Variants in MOB3B observed in about 807,000 individuals in gnomAD.
MOB3B encodes the protein MOB kinase activator-like 2B.
A neutral mutation model predicts 18.7 loss-of-function variants in MOB3B; 7 were observed. The ratio of observed to expected loss-of-function variants is 0.37; its 90% CI spans 0.21 to 0.70. The LOEUF (loss-of-function observed/expected upper bound fraction) is 0.70, where lower values mean the gene tolerates loss of function less well. Ranked by LOEUF, MOB3B falls within the 30% of genes least tolerant of loss-of-function variation. MOB3B has a pLI of 0.52. For synonymous variants in MOB3B, 111 were observed against 99.9 expected (o/e 1.11, Z -0.66); for missense variants, 253 against 281.3 (o/e 0.90, Z 0.72).
chr9:27,446,391 G>C (rs1324869935), intron 2 of MOB3B, among the ~76,000 whole-genome samples: 2 of 152,180 alleles, frequency 1.3e-5, no homozygotes, highest in Admixed American at 6.5e-5. Flanking sequence ...CAGGCCACTT[G>C]TGCTATGCCT....
At chr9:27,333,297 G>A (rs962013520) in intron 3 of MOB3B, among the ~76,000 whole-genome samples, 19 of 152,038 alleles carry the variant, frequency 1.2e-4, no homozygotes, top group African/African-American at 4.6e-4. Flanking sequence ...TCAAAGCTCT[G>A]CAAGACTCTG....
intron 1 of MOB3B, among the ~76,000 whole-genome samples, chr9:27,456,946 C>T (rs1441391533): frequency 6.6e-6 from 1 of 152,214 alleles, no homozygotes; most frequent in East Asian, 1.9e-4. Flanking sequence ...CTCTTCTCCA[C>T]TAACTTGTTG....
At chr9:27,388,144 A>G (rs1015455028) in intron 2 of MOB3B, among the ~76,000 whole-genome samples, 3 of 152,206 alleles carry the variant, frequency 2.0e-5, no homozygotes, top group African/African-American at 7.2e-5. Flanking sequence ...GTTAGGATAA[A>G]CCTTGGAAAA....
intron 2 of MOB3B, among the ~76,000 whole-genome samples, chr9:27,361,901 T>A (rs1821279889): frequency 6.6e-6 from 1 of 152,222 alleles, no homozygotes; most frequent in Non-Finnish European, 1.5e-5. Context: ...TCCAGTCTCA[T>A]GGAAGCTCAC....
chr9:27,409,521 G>A (rs561789499), intron 2 of MOB3B, among the ~76,000 whole-genome samples: 3 of 152,188 alleles, frequency 2.0e-5, no homozygotes, highest in African/African-American at 4.8e-5. Context: ...AAAACAGTAT[G>A]GCAGTTCCTC....
intron 2 of MOB3B, among the ~76,000 whole-genome samples, chr9:27,408,813 C>T (rs1822023833): frequency 6.6e-6 from 1 of 152,188 alleles, no homozygotes; most frequent in Non-Finnish European, 1.5e-5. Context: ...TTTCCCCTTC[C>T]TTCCTGCTAC....
chr9:27,418,184 T>C (rs1228767889), intron 2 of MOB3B, among the ~76,000 whole-genome samples: 2 of 149,852 alleles, frequency 1.3e-5, no homozygotes, highest in African/African-American at 2.5e-5. Context: ...AGCAGCGAGA[T>C]TGAAATGGTA....
intron 2 of MOB3B, among the ~76,000 whole-genome samples, chr9:27,434,512 C>T (rs1023855852): frequency 3.3e-5 from 5 of 152,112 alleles, no homozygotes. Context: ...TTTATACGGC[C>T]CAGCCAAGAC....
intron 2 of MOB3B, 47 bp from the exon 3 acceptor site, chr9:27,359,283 T>A: frequency 6.6e-7 from 1 of 1,515,778 alleles, no homozygotes; most frequent in South Asian, 1.1e-5. Flanking sequence ...ATGGGATAGA[T>A]CCTTTTCCTC....
At chr9:27,381,743 C>T (rs1821580488) in intron 2 of MOB3B, among the ~76,000 whole-genome samples, 1 of 152,146 alleles carries the variant, frequency 6.6e-6, no homozygotes, top group Non-Finnish European at 1.5e-5. Flanking sequence ...ACCTCCTGGG[C>T]TTAAGCAATC....
intron 2 of MOB3B, among the ~76,000 whole-genome samples, chr9:27,432,639 T>C (rs532014588): frequency 6.6e-6 from 1 of 152,240 alleles, no homozygotes; most frequent in South Asian, 2.1e-4. Context: ...AGAACGTTAG[T>C]ATTTGAGAGG....
intron 1 of MOB3B, among the ~76,000 whole-genome samples, chr9:27,507,717 C>G (rs928480602): frequency 6.6e-6 from 1 of 152,178 alleles, no homozygotes; most frequent in Non-Finnish European, 1.5e-5. Flanking sequence ...GAAAGAATCT[C>G]TAGGAGTCAG....
At chr9:27,430,180 T>A (rs150208779) in intron 2 of MOB3B, among the ~76,000 whole-genome samples, 1 of 152,180 alleles carries the variant, frequency 6.6e-6, no homozygotes, top group South Asian at 2.1e-4. Flanking sequence ...CACACCTTTT[T>A]AGTACAATTA....
At chr9:27,371,313 C>T (rs193091622) in intron 2 of MOB3B, among the ~76,000 whole-genome samples, 2 of 152,230 alleles carry the variant, frequency 1.3e-5, no homozygotes, top group African/African-American at 2.4e-5. Flanking sequence ...GGAACAGTGA[C>T]CCTTCTGAAA....
At chr9:27,412,437 T>G (rs972936114) in intron 2 of MOB3B, among the ~76,000 whole-genome samples, 3 of 152,226 alleles carry the variant, frequency 2.0e-5, no homozygotes, top group Non-Finnish European at 4.4e-5. Flanking sequence ...AACCCATTCA[T>G]GCAATATACT....
At chr9:27,335,693 C>A (rs995494158) in intron 3 of MOB3B, among the ~76,000 whole-genome samples, 2 of 152,196 alleles carry the variant, frequency 1.3e-5, no homozygotes, top group Non-Finnish European at 2.9e-5. Flanking sequence ...TCCCAGAACA[C>A]CCTTCTCCCA....
Position 27,363,933 on chromosome 9 carries a change from C to T in MOB3B, c.419-4697G>A, listed in dbSNP as rs75480280. Among the ~76,000 whole-genome samples, 553 of 152,118 alleles carry T rather than the reference C, an allele frequency of 3.6e-3. 3 individuals carry two copies. The highest frequency in any genetic ancestry group is 0.012 in the African/African-American group (500 of 41,500). On this transcript the variant is annotated intron_variant, in intron 2 of 3. Transcript: ENST00000262244. ...ACTTTTGTAAATGTTTTTGTGGAGA[C>T]AAGGTCCCACTATGTTGCCCAGCCT...
Position 27,330,249 on chromosome 9 carries a change from A to G in MOB3B, c.*338T>C, listed in dbSNP as rs1820767413. The G allele has an allele frequency of 4.5e-6, 1 of 221,542 alleles. No individual in the cohort carries two copies. Among genetic ancestry groups the G allele is most frequent in the Admixed American group, 5.8e-5 (1 of 17,282 alleles). 13.7% of individuals were successfully genotyped at this position (221,542 alleles called of 1,614,324 possible). On this transcript the variant is annotated 3_prime_UTR_variant, in exon 4 of 4. Transcript: ENST00000262244. ...CACGCATCTCAGTCTCAAAACCTGA[A>G]TTCCAGTAAAGCTTAGGCGGCAGGT... is the stretch of plus-strand genomic sequence containing the variant.
intron 3 of MOB3B, among the ~76,000 whole-genome samples, chr9:27,345,204 G>A (rs1821014787): frequency 6.6e-6 from 1 of 152,080 alleles, no homozygotes; most frequent in African/African-American, 2.4e-5. Context: ...AAAGTTGTGG[G>A]CTTTCAGGAC....
Sources: allele counts gnomAD v4.1 joint callset (sites outside exome capture counted in the v4.1 genomes callset), GRCh38; gene constraint gnomAD v4.1.1; transcripts MANE v1.5; gene names NCBI Gene and HGNC (gene_info 2026-07-23, HGNC 2026-07-21).